The following OTOG variants were observed in gnomAD, a reference collection of about 807,000 sequenced individuals.
The protein encoded by OTOG is otogelin.
A neutral mutation model predicts 313.8 loss-of-function variants in OTOG; 296 were observed. That is an observed-to-expected ratio of 0.94 (90% CI 0.86 to 1.04). OTOG has a LOEUF of 1.04. Ranked by LOEUF, OTOG falls within the 50% of genes least tolerant of loss-of-function variation. OTOG has a pLI of 0.00. For missense variants in OTOG, 3,948 were observed against 3,840.1 expected (o/e 1.03, Z -0.74); for synonymous variants, 1,533 against 1,554.9 (o/e 0.99, Z 0.33).
rs750862882 is a variant in OTOG, at chr11:17,602,319, G to A, written c.3819G>A (p.Ala1273=). 3.9e-5 allele frequency: 60 copies of A among 1,550,440 alleles called. No individual in the cohort carries two copies. Among genetic ancestry groups the A allele is most frequent in the South Asian group, 2.4e-5 (2 of 84,060 alleles). The part of the protein sequence containing the change: ...DIVLVRTEDV[A]PADIVSFLLT... The stretch of plus-strand genomic sequence containing the variant: ...TCCTAGTGAGGACAGAGGATGTGGC[G>A]CCAGCAGACATTGTGAGCTTCCTGC... The change falls in exon 32 of 56, where the codon GCG becomes GCA. Residue 1273 remains alanine (A), a synonymous_variant. Coordinates refer to ENST00000399397, the MANE Select transcript of OTOG (RefSeq NM_001292063.2).
Position 17,586,592 on chromosome 11 carries a change from G to A in OTOG, c.2867+11G>A, listed in dbSNP as rs201557269. The A allele has an allele frequency of 1.5e-6, 2 of 1,353,890 alleles. No homozygotes were observed. Among genetic ancestry groups the A allele is most frequent in the African/African-American group, 1.5e-5 (1 of 65,988 alleles). 83.9% of individuals were successfully genotyped at this position (1,353,890 alleles called of 1,614,324 possible). ...TCCTTGCCATACCTGGTAAGTGAGG[G>A]TCCCAAGCAGGCTTTGCTTTTTTGC... On this transcript the variant is annotated intron_variant, in intron 24 of 55. Coordinates refer to ENST00000399397, the MANE Select transcript of OTOG (RefSeq NM_001292063.2).
chr11:17,645,905 A>G lies in OTOG; in HGVS notation c.8703A>G (p.Thr2901=). The G allele has an allele frequency of 6.5e-7, 1 of 1,550,298 alleles. No individual in the cohort carries two copies. The highest frequency in any genetic ancestry group is 8.7e-7 in the Non-Finnish European group (1 of 1,146,990). ...CATNATWVPY[T]VQEPTDCACQ... ...CCAATGCCACCTGGGTGCCCTATAC[A>G]GTGCAGGAGCCCACCGACTGTGCCT... The change falls in exon 56 of 56, where the codon ACA becomes ACG. Residue 2901 remains threonine, a synonymous_variant. Coordinates refer to ENST00000399397, the MANE Select transcript of OTOG (RefSeq NM_001292063.2).
At chr11:17,596,768 G>T in intron 29 of OTOG, 83 bp from the exon 30 acceptor site, 2 of 1,272,406 alleles carry the variant, frequency 1.6e-6, no homozygotes, top group South Asian at 1.4e-5. Flanking sequence ...CCTTCATGTT[G>T]GTGCTGGTCG....
intron 6 of OTOG, among the ~76,000 whole-genome samples, chr11:17,555,144 C>G (rs1047628953): frequency 1.3e-5 from 2 of 152,100 alleles, no homozygotes; most frequent in Non-Finnish European, 2.9e-5. Context: ...CCCTCTACCC[C>G]ACCCCGTCCT....
At chr11:17,572,959 T>G in intron 18 of OTOG, 119 bp from the exon 19 acceptor site, 1 of 963,848 alleles carries the variant, frequency 1.0e-6, no homozygotes, top group Non-Finnish European at 1.5e-6. Flanking sequence ...GCTGCCTACA[T>G]CCGTACAGCG....
In OTOG at chr11:17,588,320, G is replaced by A. The variant is rs1852852790; in HGVS notation, c.2867+1739G>A. On this transcript the variant is annotated intron_variant, in intron 24 of 55. Coordinates refer to ENST00000399397, the MANE Select transcript of OTOG (RefSeq NM_001292063.2). ...CTCTCCCGTGGGGAGGCAGGTGCTG[G>A]AGATGTGTTGCGCTGGTGTGACTCG... Among the ~76,000 whole-genome samples the A allele has an allele frequency of 4.6e-5, 7 of 152,184 alleles. No individual in the cohort carries two copies. The South Asian group carries it at 1.2e-3, about 27-fold the overall frequency.
intron 41 of OTOG, 24 bp from the exon 42 acceptor site, chr11:17,632,064 G>A (rs2133704283): frequency 6.5e-7 from 1 of 1,549,342 alleles, no homozygotes; most frequent in Non-Finnish European, 8.7e-7. Context: ...CGAGTAACCA[G>A]CACTGCCTGA....
chr11:17,577,833 C>T (rs7949897), intron 22 of OTOG, among the ~76,000 whole-genome samples: 7,827 of 152,146 alleles, frequency 0.051, 265 homozygotes, highest in African/African-American at 0.089. Context: ...TGTGAATGTG[C>T]GGGGCAGACC....
At chr11:17,586,437 G>A (rs1052228145) in intron 23 of OTOG, 37 bp from the exon 24 acceptor site, 9 of 1,264,536 alleles carry the variant, frequency 7.1e-6, no homozygotes, top group African/African-American at 3.1e-5. Flanking sequence ...TATGGGAAGA[G>A]TGCTCTCCTG....
chr11:17,596,729 G>A, intron 29 of OTOG, 122 bp from the exon 30 acceptor site: 1 of 831,984 alleles, frequency 1.2e-6, no homozygotes, highest in East Asian at 2.7e-5. Context: ...CACCTCATGA[G>A]ACAGGATAGC....
chr11:17,589,307 C>T (rs144548226), intron 24 of OTOG, among the ~76,000 whole-genome samples: 63 of 152,220 alleles, frequency 4.1e-4, no homozygotes, highest in Non-Finnish European at 6.9e-4. Flanking sequence ...CACTCTTTCT[C>T]CTCTCTCCTC....
intron 15 of OTOG, among the ~76,000 whole-genome samples, chr11:17,565,064 A>G (rs1025552329): frequency 6.6e-6 from 1 of 152,224 alleles, no homozygotes; most frequent in African/African-American, 2.4e-5. Flanking sequence ...TGTTAAAAAT[A>G]ATGAACCGAT....
rs1352098832 is a variant in OTOG, at chr11:17,569,308, A to G, written c.1777+20A>G. 1.3e-6 allele frequency: 2 copies of G among 1,550,268 alleles called. No homozygotes were observed. The highest frequency in any genetic ancestry group is 8.7e-7 in the Non-Finnish European group (1 of 1,146,844). On this transcript the variant is annotated intron_variant, in intron 16 of 55. Transcript: ENST00000399397. ...CAGATGGTACGGTTTGGGGTGGACA[A>G]CAGACCTAGTTGGGAACTGAGGGTT...
chr11:17,588,980 C>T lies in OTOG; in HGVS notation c.2867+2399C>T, dbSNP rs142489191. ...CTGCTGCCTCTCACCCCCTCGATGT[C>T]TCCCCTTCCCTTTTACCTCAACCTG... On this transcript the variant is annotated intron_variant, in intron 24 of 55. Coordinates refer to ENST00000399397, the MANE Select transcript of OTOG (RefSeq NM_001292063.2). Among the ~76,000 whole-genome samples the T allele has an allele frequency of 4.2e-3, 639 of 152,264 alleles. 8 individuals are homozygous for T. Among genetic ancestry groups the T allele is most frequent in the African/African-American group, 0.015 (609 of 41,544 alleles).
chr11:17,553,294 C>A, intron 5 of OTOG, 71 bp from the exon 6 acceptor site: 16 of 1,512,626 alleles, frequency 1.1e-5, no homozygotes, highest in Middle Eastern at 1.7e-4. Flanking sequence ...ACTTCCAGGG[C>A]TGGAACCCAC....
intron 23 of OTOG, among the ~76,000 whole-genome samples, chr11:17,581,336 A>T (rs576580431): frequency 1.1e-4 from 17 of 152,160 alleles, no homozygotes; most frequent in Non-Finnish European, 2.1e-4. Context: ...GAGAAACCAA[A>T]TCAGAGACTT....
At position 17,612,873 on chromosome 11, in the gene OTOG, G is replaced by GC. The variant is rs1267709633; in HGVS notation, c.6438+114dup. 2.6e-5 allele frequency: 33 copies of GC among 1,286,630 alleles called. 1 individual carries two copies. The Admixed American group carries it at 6.8e-4, about 26-fold the overall frequency. 79.7% of individuals were successfully genotyped at this position (1,286,630 alleles called of 1,614,324 possible). On this transcript the variant is annotated intron_variant, in intron 38 of 55. Transcript: ENST00000399397. Reference sequence around the variant, plus strand: ...ACCAGAGGCAAAGACAGATGTGGAAGCCCCCCTGAGCTCCCTCTGTCTCCA... The same window carrying GC: ...ACCAGAGGCAAAGACAGATGTGGAAGCCCCCCCTGAGCTCCCTCTGTCTCCA...
In OTOG at chr11:17,553,148, T is replaced by C; in HGVS notation, c.322T>C (p.Cys108Arg). The C allele has an allele frequency of 1.3e-6, 2 of 1,550,350 alleles. No individual in the cohort carries two copies. The highest frequency in any genetic ancestry group is 1.7e-6 in the Non-Finnish European group (2 of 1,146,944). ...YLFSCFNGGECVHPAFCDCRR... is the reference protein window; with the variant it reads ...YLFSCFNGGERVHPAFCDCRR... ...GTTCTCCTGCTTCAATGGAGGCGAGTGTGTGCACCCAGCCTTCTGTGACTG... is the reference window on the plus strand; with the variant it reads ...GTTCTCCTGCTTCAATGGAGGCGAGCGTGTGCACCCAGCCTTCTGTGACTG... Residue 108 changes from cysteine to arginine, a missense_variant, in exon 5 of 56, where the codon TGT becomes CGT. Coordinates refer to ENST00000399397, the MANE Select transcript of OTOG (RefSeq NM_001292063.2).
intron 3 of OTOG, among the ~76,000 whole-genome samples, chr11:17,549,738 T>C (rs1435154766): frequency 2.6e-5 from 4 of 152,164 alleles, no homozygotes; most frequent in African/African-American, 4.8e-5. Flanking sequence ...CATCCCGCCT[T>C]TTCCTTGGGG....
Sources: gnomAD v4.1 joint callset for allele counts (sites outside exome capture counted in the v4.1 genomes callset) on GRCh38, gnomAD v4.1.1 for gene constraint, MANE v1.5 for transcripts, NCBI Gene and HGNC (gene_info 2026-07-23, HGNC 2026-07-21) for gene names.